The following ANXA8 variants were observed in gnomAD, a reference collection of about 807,000 sequenced individuals.
ANXA8 encodes the protein VAC-beta.
ANXA8 carries 9 observed loss-of-function variants against 26.8 expected under a neutral mutation model. The ratio of observed to expected loss-of-function variants is 0.34; its 90% CI spans 0.20 to 0.59. The LOEUF (loss-of-function observed/expected upper bound fraction) is 0.59. Ranked by LOEUF, ANXA8 falls within the 20% of genes least tolerant of loss-of-function variation. ANXA8 has a pLI of 0.84. For missense variants in ANXA8, 83 were observed against 238.5 expected (o/e 0.35, Z 4.29); for synonymous variants, 39 against 94.8 (o/e 0.41, Z 3.42).
At chr10:47,918,376 AGAG>A in the ANXA8 span, among the ~76,000 whole-genome samples, 4 of 17,710 alleles carry the variant, frequency 2.3e-4, no homozygotes, top group African/African-American at 8.9e-4. Flanking sequence ...AGAGAGAGAG[AGAG>A]AGAGAGAAAG....
the ANXA8 span, among the ~76,000 whole-genome samples, chr10:47,768,667 A>G: frequency 3.3e-5 from 5 of 151,580 alleles, 1 homozygote; most frequent in African/African-American, 4.9e-5. Flanking sequence ...GGTGGAGCAG[A>G]GGACAGCCTG....
At chr10:47,572,893 G>T in the ANXA8 span, among the ~76,000 whole-genome samples, 1 of 151,588 alleles carries the variant, frequency 6.6e-6, no homozygotes, top group African/African-American at 2.4e-5. Context: ...AACATGTATA[G>T]ACTGTTTTTG....
At chr10:47,676,905 C>T in the ANXA8 span, among the ~76,000 whole-genome samples, 6 of 144,970 alleles carry the variant, frequency 4.1e-5, no homozygotes, top group Non-Finnish European at 8.9e-5. Context: ...GTCGACAGAG[C>T]GAGACTCAGT....
At chr10:47,659,971 G>A in the ANXA8 span, among the ~76,000 whole-genome samples, 1 of 149,324 alleles carries the variant, frequency 6.7e-6, no homozygotes, top group Non-Finnish European at 1.5e-5. Flanking sequence ...TGCCCAGGCT[G>A]GTCTCAAACT....
the ANXA8 span, among the ~76,000 whole-genome samples, chr10:47,661,660 C>T: frequency 1.6e-5 from 2 of 125,590 alleles, no homozygotes; most frequent in Admixed American, 1.6e-4. Flanking sequence ...ACTTGTGATC[C>T]ACCCGCCTTG....
At chr10:47,683,463 C>T in the ANXA8 span, among the ~76,000 whole-genome samples, 7 of 152,008 alleles carry the variant, frequency 4.6e-5, no homozygotes, top group East Asian at 5.8e-4. Flanking sequence ...CTCCTGACTT[C>T]GTGATCTGCC....
At chr10:47,744,254 G>A in the ANXA8 span, among the ~76,000 whole-genome samples, 2 of 149,956 alleles carry the variant, frequency 1.3e-5, no homozygotes, top group Admixed American at 6.7e-5. Context: ...CTTTTTTGAG[G>A]TGTCTCTGGT....
chr10:47,778,994 GA>G, the ANXA8 span, among the ~76,000 whole-genome samples: 1 of 151,088 alleles, frequency 6.6e-6, no homozygotes, highest in Non-Finnish European at 1.5e-5. Flanking sequence ...ACATGAAACA[GA>G]ATTTCATAAC....
chr10:47,625,682 G>T, the ANXA8 span, among the ~76,000 whole-genome samples: 5 of 152,106 alleles, frequency 3.3e-5, no homozygotes, highest in Admixed American at 3.3e-4. Context: ...CCGAATTTGG[G>T]CCTCTACAAC....
At chr10:47,920,294 T>C in the ANXA8 span, among the ~76,000 whole-genome samples, 2 of 84,114 alleles carry the variant, frequency 2.4e-5, no homozygotes, top group Non-Finnish European at 4.6e-5. Context: ...TGGAGTGCAG[T>C]GGTGCACTCT....
the ANXA8 span, among the ~76,000 whole-genome samples, chr10:47,671,833 A>G: frequency 2.0e-5 from 3 of 151,702 alleles, no homozygotes; most frequent in Admixed American, 2.0e-4. Context: ...GGAAAAAAAT[A>G]ATTTTTAATT....
At chr10:47,955,521 T>C in the ANXA8 span, among the ~76,000 whole-genome samples, 3 of 150,126 alleles carry the variant, frequency 2.0e-5, no homozygotes, top group Non-Finnish European at 3.0e-5. Context: ...AGCATGTGAC[T>C]GTACTGAATA....
the ANXA8 span, among the ~76,000 whole-genome samples, chr10:47,702,533 G>T: frequency 6.6e-6 from 1 of 151,154 alleles, no homozygotes; most frequent in East Asian, 2.0e-4. Flanking sequence ...TAGAGATGGG[G>T]TTTCACCATG....
At chr10:47,960,680 C>G in the ANXA8 span, among the ~76,000 whole-genome samples, 1 of 148,348 alleles carries the variant, frequency 6.7e-6, no homozygotes, top group South Asian at 2.1e-4. Flanking sequence ...CCATGTCACC[C>G]GCACTCAGAT....
At chr10:47,751,308 T>C in the ANXA8 span, 3 of 110,124 alleles carry the variant, frequency 2.7e-5, no homozygotes, top group South Asian at 7.4e-4. Flanking sequence ...GGATTTTCCA[T>C]AGACAAGATT....
At chr10:47,751,140 C>A in the ANXA8 span, 1 of 151,896 alleles carries the variant, frequency 6.6e-6, no homozygotes, top group Non-Finnish European at 1.5e-5. Flanking sequence ...ACACCCACCA[C>A]CCCTGAGATT....
At chr10:47,544,003 A>G in the ANXA8 span, among the ~76,000 whole-genome samples, 1 of 148,888 alleles carries the variant, frequency 6.7e-6, no homozygotes, top group East Asian at 2.1e-4. Flanking sequence ...GGATTCTGGC[A>G]GGTGGAAAAG....
chr10:47,922,146 C>T, the ANXA8 span: 6 of 511,756 alleles, frequency 1.2e-5, 2 homozygotes, highest in East Asian at 3.4e-5. Context: ...TTGAGACTGT[C>T]GTGGGGGTCC....
At chr10:47,947,752 A>G in the ANXA8 span, among the ~76,000 whole-genome samples, 1 of 150,550 alleles carries the variant, frequency 6.6e-6, no homozygotes, top group African/African-American at 2.5e-5. Context: ...TGAGTCAACT[A>G]AACCTCTTTA....
Sources: allele counts gnomAD v4.1 joint callset (sites outside exome capture counted in the v4.1 genomes callset), GRCh38; gene constraint gnomAD v4.1.1; transcripts MANE v1.5; gene names NCBI Gene and HGNC (gene_info 2026-07-23, HGNC 2026-07-21).